Variants in PDE8B observed in about 807,000 individuals in gnomAD.
PDE8B encodes high affinity cAMP-specific and IBMX-insensitive 3',5'-cyclic phosphodiesterase 8B.
A neutral mutation model predicts 101.3 loss-of-function variants in PDE8B; 26 were observed. That is an observed-to-expected ratio of 0.26 (90% confidence interval 0.19 to 0.36). The LOEUF is 0.36. PDE8B is among the 10% of genes least tolerant of loss of function. The pLI, the probability that PDE8B is intolerant of heterozygous loss-of-function variation, is 1.00. For synonymous variants in PDE8B, 424 were observed against 429.3 expected (o/e 0.99, Z 0.15); for missense variants, 810 against 1,163.1 (o/e 0.70, Z 4.42).
the PDE8B span, among the ~76,000 whole-genome samples, chr5:77,174,543 C>T: frequency 6.6e-6 from 1 of 152,184 alleles, no homozygotes; most frequent in East Asian, 1.9e-4. Flanking sequence ...GTACACATCT[C>T]CATGACTATT....
chr5:77,179,697 C>G, the PDE8B span, among the ~76,000 whole-genome samples: 1 of 152,124 alleles, frequency 6.6e-6, no homozygotes, highest in Non-Finnish European at 1.5e-5. Context: ...TAAATTGTCC[C>G]TACAATTAAG....
intron 10 of PDE8B, among the ~76,000 whole-genome samples, chr5:77,357,009 G>A (rs1782230401): frequency 6.6e-6 from 1 of 152,160 alleles, no homozygotes; most frequent in Non-Finnish European, 1.5e-5. Flanking sequence ...CAGGCCCCTA[G>A]GAGGCTTTTA....
chr5:77,116,218 ATATATATTTT>A, the PDE8B span, among the ~76,000 whole-genome samples: 3 of 75,144 alleles, frequency 4.0e-5, no homozygotes, highest in Admixed American at 1.2e-4. Context: ...ATATATATAT[ATATATATTTT>A]TTTTTTTTTT....
chr5:77,177,364 A>G, the PDE8B span, among the ~76,000 whole-genome samples: 1 of 152,244 alleles, frequency 6.6e-6, no homozygotes, highest in Admixed American at 6.5e-5. Context: ...ATACATACGT[A>G]CCTATGATAA....
chr5:77,241,427 A>G (rs1241529816), intron 1 of PDE8B, among the ~76,000 whole-genome samples: 1 of 152,206 alleles, frequency 6.6e-6, no homozygotes, highest in Non-Finnish European at 1.5e-5. Flanking sequence ...AACAGGCATA[A>G]TCATTTTACT....
intron 11 of PDE8B, among the ~76,000 whole-genome samples, chr5:77,401,250 G>T (rs1226935777): frequency 6.6e-6 from 1 of 152,042 alleles, no homozygotes; most frequent in Non-Finnish European, 1.5e-5. Context: ...TCACACACAG[G>T]TGCATTTTCT....
At chr5:77,249,456 A>G (rs1022769360) in intron 1 of PDE8B, among the ~76,000 whole-genome samples, 3 of 152,078 alleles carry the variant, frequency 2.0e-5, no homozygotes, top group African/African-American at 7.2e-5. Context: ...GACTGTGTAG[A>G]CTCAGGGAAA....
chr5:77,266,996 G>A (rs1310512174), intron 1 of PDE8B, among the ~76,000 whole-genome samples: 1 of 151,972 alleles, frequency 6.6e-6, no homozygotes, highest in Non-Finnish European at 1.5e-5. Context: ...TATACTCATT[G>A]TGAGTTTTTG....
At chr5:77,153,870 C>T in the PDE8B span, among the ~76,000 whole-genome samples, 3 of 152,246 alleles carry the variant, frequency 2.0e-5, no homozygotes, top group African/African-American at 4.8e-5. Flanking sequence ...CCACCATGCC[C>T]GGCCCAGCTG....
Position 77,421,886 on chromosome 5 carries a change from C to G in PDE8B, c.2316C>G (p.Ile772Met). The G allele has an allele frequency of 6.2e-7, 1 of 1,614,142 alleles. No individual in the cohort carries two copies. Among genetic ancestry groups the G allele is most frequent in the Non-Finnish European group, 8.5e-7 (1 of 1,179,998 alleles). ...ACTTCCCTGAAAACCAAATCCTGAT[C>G]AAACGCATGATGATTAAGTGTGCTG... ...GKNFPENQIL[I>M]KRMMIKCADV... is the part of the protein sequence containing the mutation. The change falls in exon 20 of 22, where the codon ATC becomes ATG. Residue 772 changes from isoleucine (I) to methionine (M), a missense_variant. This residue lies in a region of PDE8B where 325 missense variants were observed against 560.9 expected (regional missense o/e 0.58). Coordinates refer to ENST00000264917, the MANE Select transcript of PDE8B (RefSeq NM_003719.5).
chr5:77,423,242 T>C (rs183923397), intron 20 of PDE8B, among the ~76,000 whole-genome samples: 1 of 152,334 alleles, frequency 6.6e-6, no homozygotes, highest in East Asian at 1.9e-4. Context: ...GCACCACATT[T>C]TCTTCATCCA....
At chr5:77,330,478 A>T (rs1261375761) in intron 4 of PDE8B, among the ~76,000 whole-genome samples, 1 of 152,208 alleles carries the variant, frequency 6.6e-6, no homozygotes, top group Non-Finnish European at 1.5e-5. Context: ...AAACATTATT[A>T]ATACCCTTGG....
chr5:77,286,183 C>T (rs1765972274), intron 1 of PDE8B, among the ~76,000 whole-genome samples: 1 of 152,174 alleles, frequency 6.6e-6, no homozygotes, highest in African/African-American at 2.4e-5. Flanking sequence ...AGCTTGATTA[C>T]ACTCACAGTG....
intron 1 of PDE8B, among the ~76,000 whole-genome samples, chr5:77,255,972 G>A (rs183710188): frequency 6.6e-6 from 1 of 152,304 alleles, no homozygotes; most frequent in East Asian, 1.9e-4. Context: ...TGCCAACTGT[G>A]TAGTGTGCCC....
At chr5:77,275,790 A>G (rs1050881697) in intron 1 of PDE8B, among the ~76,000 whole-genome samples, 2 of 152,204 alleles carry the variant, frequency 1.3e-5, no homozygotes, top group African/African-American at 4.8e-5. Flanking sequence ...TTAAATGTTG[A>G]ATTTCATTTA....
rs182801640 is a variant in PDE8B at position 77,312,739 on chromosome 5, G to A, written c.399+686G>A. 3.3e-5 allele frequency among the ~76,000 whole-genome samples: 5 copies of A among 152,354 alleles called. No individual in the cohort carries two copies. The East Asian group carries it at 9.6e-4, about 29-fold the overall frequency. On this transcript the variant is annotated intron_variant, in intron 2 of 21. Coordinates refer to ENST00000264917, the MANE Select transcript of PDE8B (RefSeq NM_003719.5). ...TAAGTTAAATGAGATAGCATAGGAT[G>A]CCTAGAACTTTCTCTGGCAGTTACC...
chr5:77,285,559 C>T (rs1403070080), intron 1 of PDE8B, among the ~76,000 whole-genome samples: 1 of 151,614 alleles, frequency 6.6e-6, no homozygotes, highest in East Asian at 2.0e-4. Flanking sequence ...AGATTAATTA[C>T]AATGTGCCTA....
chr5:77,164,275 G>C, the PDE8B span, among the ~76,000 whole-genome samples: 1 of 152,122 alleles, frequency 6.6e-6, no homozygotes, highest in African/African-American at 2.4e-5. Context: ...TCTGAATTGG[G>C]GGCTCCTTTC....
chr5:77,291,271 G>C, intron 1 of PDE8B: 1 of 1,613,024 alleles, frequency 6.2e-7, no homozygotes, highest in Non-Finnish European at 8.5e-7. Context: ...GGGAACCCAT[G>C]GGACCCTAAT....
Sources: allele counts gnomAD v4.1 joint callset (sites outside exome capture counted in the v4.1 genomes callset), GRCh38; gene constraint gnomAD v4.1.1; regional missense constraint gnomAD v4.1.1; transcripts MANE v1.5; gene names NCBI Gene and HGNC (gene_info 2026-07-23, HGNC 2026-07-21).